Variants in DOCK10 observed in about 807,000 individuals in gnomAD.
The protein encoded by DOCK10 is dedicator of cytokinesis protein 10.
DOCK10 carries 145 observed loss-of-function variants against 280.1 expected under a neutral mutation model. The observed-to-expected ratio is 0.52, with a 90% CI of 0.45 to 0.59. DOCK10 has a LOEUF of 0.59. Ranked by LOEUF, DOCK10 falls within the 20% of genes least tolerant of loss-of-function variation. DOCK10 has a pLI of 0.00. For synonymous variants in DOCK10, 915 were observed against 942.2 expected, an observed-to-expected ratio of 0.97 and a Z score of 0.53; for missense variants, 2,368 against 2,651.7, an observed-to-expected ratio of 0.89 and a Z score of 2.35.
intron 2 of DOCK10, among the ~76,000 whole-genome samples, chr2:224,919,399 T>C (rs1434054670): frequency 6.7e-6 from 1 of 150,056 alleles, no homozygotes; most frequent in Non-Finnish European, 1.5e-5. Flanking sequence ...GTGTGTGTGG[T>C]ATATGAATGT....
At chr2:224,924,405 C>A (rs1293579286) in intron 2 of DOCK10, among the ~76,000 whole-genome samples, 1 of 152,188 alleles carries the variant, frequency 6.6e-6, no homozygotes, top group African/African-American at 2.4e-5. Flanking sequence ...TCCTTTCTCT[C>A]TCTATGGATT....
intron 48 of DOCK10, among the ~76,000 whole-genome samples, chr2:224,788,856 CCA>C (rs1691940055): frequency 6.6e-6 from 1 of 152,146 alleles, no homozygotes; most frequent in South Asian, 2.1e-4. Context: ...ACATTTGAGT[CCA>C]TCTTAGAGAA....
chr2:225,023,720 G>T (rs141820095), intron 1 of DOCK10, among the ~76,000 whole-genome samples: 9 of 152,264 alleles, frequency 5.9e-5, no homozygotes, highest in South Asian at 2.1e-4. Context: ...GGAAAAGGCT[G>T]TTCTCAGAAG....
At chr2:224,823,434 A>G in intron 28 of DOCK10, 67 bp downstream of exon 28, 1 of 1,368,192 alleles carries the variant, frequency 7.3e-7, no homozygotes, top group Non-Finnish European at 9.6e-7. Context: ...AACTGATGAA[A>G]GTTTAGACTA....
chr2:224,909,530 C>T (rs1700879851), intron 3 of DOCK10, among the ~76,000 whole-genome samples: 1 of 152,106 alleles, frequency 6.6e-6, no homozygotes, highest in African/African-American at 2.4e-5. Context: ...TACCCTCATC[C>T]AGTCAGGCTA....
chr2:225,030,164 A>AT (rs1433977603), intron 1 of DOCK10, among the ~76,000 whole-genome samples: 1 of 149,546 alleles, frequency 6.7e-6, no homozygotes, highest in South Asian at 2.1e-4. Context: ...AAAAAAAAAA[A>AT]GAAAGAAAAA....
At chr2:224,940,185 T>C (rs1194242294) in intron 1 of DOCK10, among the ~76,000 whole-genome samples, 1 of 152,186 alleles carries the variant, frequency 6.6e-6, no homozygotes, top group Non-Finnish European at 1.5e-5. Context: ...GGGGCTACAC[T>C]CCCACAAGAC....
chr2:224,922,765 C>T (rs142126265), intron 2 of DOCK10, among the ~76,000 whole-genome samples: 1 of 152,306 alleles, frequency 6.6e-6, no homozygotes, highest in African/African-American at 2.4e-5. Context: ...TAAAAAAGGG[C>T]TGCTTATCCT....
At chr2:224,772,603 A>G (rs892263114) in intron 53 of DOCK10, among the ~76,000 whole-genome samples, 5 of 152,194 alleles carry the variant, frequency 3.3e-5, no homozygotes, top group African/African-American at 1.2e-4. Flanking sequence ...ACACCGCCTG[A>G]GTGCTGCCAG....
In DOCK10 at chr2:224,931,548, C is replaced by T; in HGVS notation, c.243+1G>A. On this transcript the variant is annotated splice_donor_variant, in intron 2 of 55. Coordinates refer to ENST00000258390, the MANE Select transcript of DOCK10 (RefSeq NM_014689.3). LOFTEE classifies it high-confidence loss of function. ...AAATGGCTTGAGAAGAGAAGACTTA[C>T]TGAAAAGTCATCACTGGGGAAGAAC... 1 of 1,605,650 alleles carries T rather than the reference C, an allele frequency of 6.2e-7. No individual in the cohort carries two copies. The highest frequency in any genetic ancestry group is 8.5e-7 in the Non-Finnish European group (1 of 1,175,886).
chr2:224,977,276 G>A (rs1553627100), intron 1 of DOCK10, among the ~76,000 whole-genome samples: 1 of 151,918 alleles, frequency 6.6e-6, no homozygotes, highest in Non-Finnish European at 1.5e-5. Flanking sequence ...TTTCACTTTT[G>A]AGTTGAGACC....
intron 4 of DOCK10, among the ~76,000 whole-genome samples, chr2:224,887,642 T>C (rs1284274664): frequency 6.6e-6 from 1 of 152,168 alleles, no homozygotes; most frequent in African/African-American, 2.4e-5. Context: ...AAAAATTTCA[T>C]GGGATGTTTT....
intron 1 of DOCK10, among the ~76,000 whole-genome samples, chr2:224,957,684 C>G (rs1479929312): frequency 6.6e-6 from 1 of 152,176 alleles, no homozygotes; most frequent in Non-Finnish European, 1.5e-5. Context: ...GCCGAGCTGA[C>G]TTGCTTGGAA....
intron 1 of DOCK10, among the ~76,000 whole-genome samples, chr2:224,968,616 T>A (rs1229283185): frequency 2.0e-5 from 3 of 152,242 alleles, no homozygotes; most frequent in African/African-American, 7.2e-5. Context: ...ATAACAATAA[T>A]TTCAAATCCT....
chr2:224,967,991 C>CT (rs1453773015), intron 1 of DOCK10, among the ~76,000 whole-genome samples: 2 of 152,124 alleles, frequency 1.3e-5, no homozygotes, highest in African/African-American at 4.8e-5. Context: ...TTTTCTGATA[C>CT]TTATTCATTA....
intron 1 of DOCK10, among the ~76,000 whole-genome samples, chr2:224,944,138 T>C (rs1703259791): frequency 6.6e-6 from 1 of 152,156 alleles, no homozygotes. Context: ...TCAGCTAAAC[T>C]CTGCTTAGAC....
intron 1 of DOCK10, among the ~76,000 whole-genome samples, chr2:225,008,345 G>A (rs141935364): frequency 1.8e-4 from 28 of 152,218 alleles, no homozygotes; most frequent in Middle Eastern, 3.4e-3. Flanking sequence ...GTTATGCATG[G>A]TGCTAGATTG....
In DOCK10 at chr2:224,805,581, A is replaced by G. The variant is rs966967324; in HGVS notation, c.3815-52T>C. ...ATGGGAATGAGATGTATGGGCACAC[A>G]CACACAAAAGGTTCACATGATGAAC... On this transcript the variant is annotated intron_variant, in intron 34 of 55. Transcript: ENST00000258390. The surrounding 1 kb of genome is among the most constrained non-coding windows in gnomAD (Gnocchi z 4.3). The G allele has an allele frequency of 1.6e-5, 26 of 1,605,906 alleles. No individual in the cohort carries two copies. The highest frequency in any genetic ancestry group is 5.0e-5 in the Admixed American group (3 of 59,666).
chr2:224,863,267 C>T (rs1697646416), intron 13 of DOCK10, among the ~76,000 whole-genome samples: 1 of 152,110 alleles, frequency 6.6e-6, no homozygotes, highest in South Asian at 2.1e-4. Context: ...CTTTATTTAT[C>T]AAAACAGAAG....
Sources: allele counts gnomAD v4.1 joint callset (sites outside exome capture counted in the v4.1 genomes callset), GRCh38; gene constraint gnomAD v4.1.1; non-coding constraint Gnocchi (gnomAD v3.1); transcripts MANE v1.5; gene names NCBI Gene and HGNC (gene_info 2026-07-23, HGNC 2026-07-21).